ZNF519: variants seen among roughly 807,000 people sequenced by gnomAD.
The protein encoded by ZNF519 is zinc finger protein 519, also known as similar to Zinc finger protein 85 (Zinc finger protein HPF4) (HTF1).
ZNF519 carries 7 observed loss-of-function variants against 7.4 expected under a neutral mutation model. The ratio of observed to expected loss-of-function variants is 0.94; its 90% CI spans 0.54 to 1.77. ZNF519 has a LOEUF of 1.77. Among genes scored for constraint, ZNF519 ranks in the 40% most tolerant of loss-of-function variants. The probability of loss-of-function intolerance (pLI) is 0.00; values close to 1 mark genes in which losing one functional copy is unlikely to be tolerated. For synonymous variants in ZNF519, 179 were observed against 203.3 expected (o/e 0.88, Z 1.02); for missense variants, 586 against 623.1 (o/e 0.94, Z 0.63).
intron 1 of ZNF519, among the ~76,000 whole-genome samples, chr18:14,128,897 C>T (rs913367460): frequency 3.9e-5 from 6 of 152,214 alleles, no homozygotes; most frequent in East Asian, 3.9e-4. Context: ...CTACAACAGC[C>T]GGGTCTAAAG....
chr18:14,109,723 T>C (rs1348421075), intron 2 of ZNF519, among the ~76,000 whole-genome samples: 1 of 152,072 alleles, frequency 6.6e-6, no homozygotes, highest in Non-Finnish European at 1.5e-5. Context: ...TAAAAGTTTA[T>C]AACTAAAAGT....
At position 14,132,320 on chromosome 18, in the gene ZNF519, T is replaced by G; in HGVS notation, c.-43A>C. ...GTCCTGGAGTCTTAGCTATAAATCATTCAATGCCAGCAGGTCACAGAGCGA... is the reference window on the plus strand; with the variant it reads ...GTCCTGGAGTCTTAGCTATAAATCAGTCAATGCCAGCAGGTCACAGAGCGA... On this transcript the variant is annotated 5_prime_UTR_variant, in exon 1 of 3. It removes an upstream start codon present in the reference 5' UTR. Transcript: ENST00000590202. 7 of 1,611,962 alleles carry G rather than the reference T, an allele frequency of 4.3e-6. No homozygotes were observed. The highest frequency in any genetic ancestry group is 5.9e-6 in the Non-Finnish European group (7 of 1,178,306).
intron 2 of ZNF519, among the ~76,000 whole-genome samples, chr18:14,117,315 G>A (rs1442127412): frequency 6.6e-6 from 1 of 152,106 alleles, no homozygotes; most frequent in Non-Finnish European, 1.5e-5. Context: ...AATACACATA[G>A]CAATTACTGA....
chr18:14,130,023 A>T (rs1207857297), intron 1 of ZNF519, among the ~76,000 whole-genome samples: 1 of 152,058 alleles, frequency 6.6e-6, no homozygotes, highest in Non-Finnish European at 1.5e-5. Flanking sequence ...AAAATTCCTC[A>T]TGCTTTTTGT....
chr18:14,098,802 T>A (rs1489420088), downstream of ZNF519, among the ~76,000 whole-genome samples: 2 of 152,192 alleles, frequency 1.3e-5, no homozygotes, highest in African/African-American at 4.8e-5. Flanking sequence ...TTTGTTAATA[T>A]CTTGAGTCCC....
chr18:14,102,525 A>T lies in ZNF519; in HGVS notation c.*2392T>A, dbSNP rs1426234172. On this transcript the variant is annotated 3_prime_UTR_variant, in exon 3 of 3. Coordinates refer to ENST00000590202, the MANE Select transcript of ZNF519 (RefSeq NM_145287.4). ...GGAAACTACTACCCTTACTGAATGCAGAAAAAGCAAACATATAAATTTCAA... is the reference window on the plus strand; with the variant it reads ...GGAAACTACTACCCTTACTGAATGCTGAAAAAGCAAACATATAAATTTCAA... The T allele has an allele frequency of 6.6e-6, 1 of 152,240 alleles. No homozygotes were observed. The highest frequency in any genetic ancestry group is 1.5e-5 in the Non-Finnish European group (1 of 68,042). The allele number at this position is 152,240 out of a possible 1,614,324, so 9.4% of individuals were successfully genotyped here. A position where few individuals can be genotyped will look rare whatever the true frequency, so the allele number is the denominator to read the frequency against.
chr18:14,111,554 A>T (rs2046221236), intron 2 of ZNF519, among the ~76,000 whole-genome samples: 2 of 151,578 alleles, frequency 1.3e-5, no homozygotes, highest in Non-Finnish European at 2.9e-5. Flanking sequence ...GAAAAAAGAA[A>T]AAAAGACTCA....
chr18:14,113,876 G>T (rs1181911658), intron 2 of ZNF519, among the ~76,000 whole-genome samples: 2 of 151,992 alleles, frequency 1.3e-5, no homozygotes, highest in African/African-American at 4.8e-5. Context: ...ATTTTGATTT[G>T]CATTTCTCTG....
chr18:14,083,954 C>T (rs1469797569), intron 3 of ZNF519, among the ~76,000 whole-genome samples: 3 of 152,172 alleles, frequency 2.0e-5, no homozygotes, highest in Admixed American at 6.5e-5. Context: ...CCACAGGACC[C>T]GCTCCCTGTC....
intron 1 of ZNF519, among the ~76,000 whole-genome samples, chr18:14,129,558 C>T (rs11877811): frequency 0.2 from 31,109 of 152,006 alleles, 3,464 homozygotes; most frequent in Middle Eastern, 0.24. Context: ...TCACTTCCCT[C>T]AGACACCTGG....
chr18:14,098,742 T>C (rs1353163540), downstream of ZNF519, among the ~76,000 whole-genome samples: 1 of 152,172 alleles, frequency 6.6e-6, no homozygotes, highest in Non-Finnish European at 1.5e-5. Context: ...ACAACAGACA[T>C]TTGCAACGTC....
Position 14,101,879 on chromosome 18 carries a change from G to C in ZNF519, c.*3038C>G, listed in dbSNP as rs1199487436. ...CATTCCCCAAATCAGGCACAGACCA[G>C]AGTCTACATAAACCTCCTGCCCTCT... On this transcript the variant is annotated 3_prime_UTR_variant, in exon 3 of 3. Transcript: ENST00000590202. 7.6e-6 allele frequency: 3 copies of C among 396,852 alleles called. No individual in the cohort carries two copies. Among genetic ancestry groups the C allele is most frequent in the African/African-American group, 4.1e-5 (2 of 48,562 alleles). 24.6% of individuals were successfully genotyped at this position (396,852 alleles called of 1,614,324 possible). A position where few individuals can be genotyped will look rare whatever the true frequency, so the allele number is the denominator to read the frequency against.
chr18:14,113,789 A>G (rs1003080618), intron 2 of ZNF519, among the ~76,000 whole-genome samples: 1 of 150,878 alleles, frequency 6.6e-6, no homozygotes, highest in Non-Finnish European at 1.5e-5. Flanking sequence ...TTTTCTCCAC[A>G]TACTCACCAG....
At chr18:14,109,050 G>C (rs112201846) in intron 2 of ZNF519, among the ~76,000 whole-genome samples, 17 of 151,848 alleles carry the variant, frequency 1.1e-4, no homozygotes, top group African/African-American at 3.9e-4. Flanking sequence ...GAGGTTGCAG[G>C]GAGCCCAGAT....
Position 14,104,214 on chromosome 18 carries a change from C to G in ZNF519, c.*703G>C, listed in dbSNP as rs9958063. On this transcript the variant is annotated 3_prime_UTR_variant, in exon 3 of 3. Coordinates refer to ENST00000590202, the MANE Select transcript of ZNF519 (RefSeq NM_145287.4). Reference sequence around the variant, plus strand: ...TAGAATATTAATGGACTAGCAAGACCTTTTAATGGGTAGTTGGTAAAACTA... The same window carrying G: ...TAGAATATTAATGGACTAGCAAGACGTTTTAATGGGTAGTTGGTAAAACTA... The G allele has an allele frequency of 1.3e-5, 2 of 152,082 alleles. No individual in the cohort carries two copies. Among genetic ancestry groups the G allele is most frequent in the Non-Finnish European group, 2.9e-5 (2 of 68,000 alleles). The allele number at this position is 152,082 out of a possible 1,614,324, so 9.4% of individuals were successfully genotyped here.
chr18:14,099,624 T>C (rs1598513217), downstream of ZNF519, among the ~76,000 whole-genome samples: 1 of 152,202 alleles, frequency 6.6e-6, no homozygotes, highest in African/African-American at 2.4e-5. Flanking sequence ...TTACTTCACA[T>C]TTGCTGTCTA....
chr18:14,087,078 T>C (rs56066761), intron 2 of ZNF519, among the ~76,000 whole-genome samples: 26,323 of 152,078 alleles, frequency 0.17, 2,803 homozygotes, highest in Middle Eastern at 0.25. Flanking sequence ...ATAAAGATGG[T>C]TCAACATATG....
rs1054478824 is a variant in ZNF519, at chr18:14,104,744, T to C, written c.*173A>G. 63 of 596,776 alleles carry C rather than the reference T, an allele frequency of 1.1e-4. No individual in the cohort carries two copies. Among genetic ancestry groups the C allele is most frequent in the South Asian group, 1.0e-4 (2 of 19,086 alleles). 37.0% of individuals were successfully genotyped at this position (596,776 alleles called of 1,614,324 possible). On this transcript the variant is annotated 3_prime_UTR_variant, in exon 3 of 3. Coordinates refer to ENST00000590202, the MANE Select transcript of ZNF519 (RefSeq NM_145287.4). The stretch of plus-strand genomic sequence containing the variant: ...GATTCAGAGTAATTTACGGAAGTGC[T>C]AGCACCTTAGTTCTTTCTAAAGTGA...
chr18:14,130,524 C>A (rs1229495578), intron 1 of ZNF519, among the ~76,000 whole-genome samples: 4 of 152,226 alleles, frequency 2.6e-5, no homozygotes, highest in Non-Finnish European at 5.9e-5. Context: ...GCAGTGCTTT[C>A]TGGAACAGGG....
Sources: allele counts gnomAD v4.1 joint callset (sites outside exome capture counted in the v4.1 genomes callset), GRCh38; gene constraint gnomAD v4.1.1; transcripts MANE v1.5; gene names NCBI Gene and HGNC (gene_info 2026-07-23, HGNC 2026-07-21).